The following DIXDC1 variants were observed in gnomAD, a reference collection of about 807,000 sequenced individuals.
The protein encoded by DIXDC1 is DIX domain containing 1, also known as dixin.
In DIXDC1, 64 loss-of-function variants were observed where a neutral mutation model predicts 103.1. That is an observed-to-expected ratio of 0.62 (90% CI 0.51 to 0.76). The LOEUF (loss-of-function observed/expected upper bound fraction) is 0.76, where lower values mean the gene tolerates loss of function less well. DIXDC1 is among the 30% of genes least tolerant of loss of function. The probability of loss-of-function intolerance (pLI) is 0.00; values close to 1 mark genes in which losing one functional copy is unlikely to be tolerated. For synonymous variants in DIXDC1, 266 were observed against 298.5 expected, an observed-to-expected ratio of 0.89 and a Z score of 1.12; for missense variants, 759 against 834.2, an observed-to-expected ratio of 0.91 and a Z score of 1.11.
intron 7 of DIXDC1, 109 bp from the exon 8 acceptor site, chr11:111,985,123 T>C (rs1860444660): frequency 1.2e-6 from 1 of 846,946 alleles, no homozygotes; most frequent in Admixed American, 2.3e-5. Flanking sequence ...CGAAATGTCT[T>C]GAGGAGGCTG....
Position 111,977,723 on chromosome 11 carries a change from CT to C in DIXDC1, c.656+2742del. The C allele has an allele frequency of 6.4e-7, 1 of 1,552,536 alleles. No individual in the cohort carries two copies. Among genetic ancestry groups the C allele is most frequent in the Non-Finnish European group, 8.7e-7 (1 of 1,147,810 alleles). Reference sequence around the variant, plus strand: ...GAGCGATGTGACTCTCAGCCTCCCACTTCACCCGGGGACGCAGGCTTGCTGA... The same window carrying C: ...GAGCGATGTGACTCTCAGCCTCCCACTCACCCGGGGACGCAGGCTTGCTGA... On this transcript the variant is annotated intron_variant, in intron 5 of 19. Transcript: ENST00000440460. This position sits in a 1 kb window ranked among gnomAD's most constrained non-coding sequence, Gnocchi z 6.1.
intron 7 of DIXDC1, among the ~76,000 whole-genome samples, chr11:111,983,020 T>C (rs1860368485): frequency 6.6e-6 from 1 of 152,228 alleles, no homozygotes; most frequent in Non-Finnish European, 1.5e-5. Flanking sequence ...CCCTTCAGTT[T>C]TTCCTATACC....
In DIXDC1 at chr11:111,992,434, T is replaced by G. The variant is rs1555174636; in HGVS notation, c.1133T>G (p.Leu378Trp). The change falls in exon 11 of 20, where the codon TTG becomes TGG. Residue 378 changes from leucine (L) to tryptophan (W), a missense_variant. Transcript: ENST00000440460. ...QGIKDALQQR[L>W]TQQDTSVLQL... ...CCCTAGGATGCCTTGCAGCAGAGAT[T>G]GACTCAGCAGGACACATCTGTTCTT... 6.3e-7 allele frequency: 1 copy of G among 1,581,578 alleles called. No individual in the cohort carries two copies. The highest frequency in any genetic ancestry group is 8.6e-7 in the Non-Finnish European group (1 of 1,163,054).
intron 5 of DIXDC1, chr11:111,975,437 A>T: frequency 9.9e-7 from 1 of 1,010,148 alleles, no homozygotes; most frequent in Non-Finnish European, 1.2e-6. Context: ...AATGTTTCCA[A>T]CTTTCCTCTA....
intron 17 of DIXDC1, among the ~76,000 whole-genome samples, chr11:112,014,767 T>C (rs1188912522): frequency 1.3e-5 from 2 of 152,218 alleles, no homozygotes; most frequent in Admixed American, 6.5e-5. Context: ...ATAAATTAAA[T>C]ATATAGCTTT....
chr11:111,986,959 A>G, intron 9 of DIXDC1, 35 bp downstream of exon 9: 1 of 1,535,308 alleles, frequency 6.5e-7, no homozygotes, highest in South Asian at 1.2e-5. Flanking sequence ...CCCCTTAAAA[A>G]CATTATGGGG....
intron 10 of DIXDC1, 88 bp from the exon 11 acceptor site, chr11:111,992,327 A>G (rs1860736556): frequency 2.5e-6 from 3 of 1,199,842 alleles, no homozygotes; most frequent in Non-Finnish European, 3.5e-6. Context: ...CGAATGCTGG[A>G]AACACATTAA....
chr11:111,947,990 CAA>C (rs1966653951), intron 1 of DIXDC1, among the ~76,000 whole-genome samples: 1 of 152,070 alleles, frequency 6.6e-6, no homozygotes, highest in South Asian at 2.1e-4. Context: ...TCCATCTCTA[CAA>C]AAATCAAAAA....
chr11:111,995,534 T>C lies in DIXDC1; in HGVS notation c.1659T>C (p.Val553=). ...GISSLMERLH[V]METQKKQERK... ...CTAGCCTCATGGAGCGCCTGCATGT[T>C]ATGGAGACGCAGAAGAAACAAGAAA... is the stretch of plus-strand genomic sequence containing the variant. The change falls in exon 16 of 20, where the codon GTT becomes GTC. Residue 553 remains valine, a synonymous_variant. Transcript: ENST00000440460. 2 of 1,613,968 alleles carry C rather than the reference T, an allele frequency of 1.2e-6. No homozygotes were observed. The highest frequency in any genetic ancestry group is 1.7e-6 in the Non-Finnish European group (2 of 1,179,888).
upstream of DIXDC1, among the ~76,000 whole-genome samples, chr11:111,936,845 AGTGTGTGTGT>A (rs57332873): frequency 2.2e-3 from 304 of 140,846 alleles, 1 homozygote; most frequent in East Asian, 0.022. Flanking sequence ...TTAAGTTAGC[AGTGTGTGTGT>A]GTGTGTGTGT....
chr11:111,977,729 C>A lies in DIXDC1; in HGVS notation c.656+2746C>A. The A allele has an allele frequency of 6.4e-7, 1 of 1,554,558 alleles. No individual in the cohort carries two copies. Among genetic ancestry groups the A allele is most frequent in the East Asian group, 2.5e-5 (1 of 40,752 alleles). ...TGTGACTCTCAGCCTCCCACTTCAC[C>A]CGGGGACGCAGGCTTGCTGAAGCCC... On this transcript the variant is annotated intron_variant, in intron 5 of 19. Coordinates refer to ENST00000440460, the MANE Select transcript of DIXDC1 (RefSeq NM_001037954.4). The surrounding 1 kb of genome is among the most constrained non-coding windows in gnomAD (Gnocchi z 6.1).
Position 111,974,894 on chromosome 11 carries a change from G to A in DIXDC1, c.567G>A (p.Glu189=). The change falls in exon 5 of 20, where the codon GAG becomes GAA. Residue 189 remains glutamate (E), a synonymous_variant. Transcript: ENST00000440460. ...ACTTTAGGAACAGCAGCATGGATGA[G>A]GAAATTGAGAATCCATACTGGAGTG... ...RYRQRNSSMD[E]EIENPYWSVR... 1.2e-6 allele frequency: 2 copies of A among 1,613,664 alleles called. No homozygotes were observed. The highest frequency in any genetic ancestry group is 1.7e-6 in the Non-Finnish European group (2 of 1,179,808).
chr11:111,986,740 A>G (rs1860503720), intron 8 of DIXDC1, 131 bp from the exon 9 acceptor site: 1 of 640,066 alleles, frequency 1.6e-6, no homozygotes, highest in Non-Finnish European at 2.6e-6. Flanking sequence ...AGAGAGCAGG[A>G]ACTGTTTCCT....
chr11:112,013,259 A>G (rs925619338), intron 17 of DIXDC1, among the ~76,000 whole-genome samples: 4 of 131,018 alleles, frequency 3.1e-5, no homozygotes, highest in Admixed American at 1.9e-4. Flanking sequence ...TAAAGGCCCT[A>G]TCTCCAAAAC....
Position 111,993,553 on chromosome 11 carries a change from G to A in DIXDC1, c.1330G>A (p.Ala444Thr). 6.2e-7 allele frequency: 1 copy of A among 1,614,014 alleles called. No homozygotes were observed. The change falls in exon 13 of 20, where the codon GCA becomes ACA. Residue 444 changes from alanine to threonine, a missense_variant. Around this residue, in one of 3 missense-constraint regions of DIXDC1, gnomAD observed 657 missense variants for 727.5 expected, o/e 0.90. Coordinates refer to ENST00000440460, the MANE Select transcript of DIXDC1 (RefSeq NM_001037954.4). Reference protein sequence around the residue: ...LQQHQAKLEEALRKLSDVSYH... With the variant: ...LQQHQAKLEETLRKLSDVSYH... The stretch of plus-strand genomic sequence containing the variant: ...GCAGCACCAGGCCAAGTTAGAAGAA[G>A]CACTCCGGAAACTCTCTGATGTCAG...
At chr11:111,950,434 ATATATTTTTTTTTTTTTTTTTT>A (rs1272897954) in intron 1 of DIXDC1, among the ~76,000 whole-genome samples, 2 of 21,574 alleles carry the variant, frequency 9.3e-5, no homozygotes, top group African/African-American at 5.3e-4. Context: ...ATATATATAT[ATATATTTTTTTTTTTTTTTTTT>A]TTTTTTTTTT....
chr11:111,946,768 G>T, intron 1 of DIXDC1: 2 of 488,844 alleles, frequency 4.1e-6, no homozygotes, highest in South Asian at 3.0e-5. Context: ...TGCAGATTTT[G>T]GTGTTTTCCC....
At chr11:111,997,808 T>A (rs1331919784) in intron 17 of DIXDC1, among the ~76,000 whole-genome samples, 1 of 152,226 alleles carries the variant, frequency 6.6e-6, no homozygotes, top group Non-Finnish European at 1.5e-5. Flanking sequence ...GCTTGAAAAC[T>A]AAGATGTTAA....
At chr11:111,974,451 T>G in intron 4 of DIXDC1, 197 bp downstream of exon 4, 1 of 608,100 alleles carries the variant, frequency 1.6e-6, no homozygotes, top group Admixed American at 3.4e-5. Context: ...TATTTTGCAT[T>G]TAGCAAAAGT....
Sources: gnomAD v4.1 joint callset for allele counts (sites outside exome capture counted in the v4.1 genomes callset) on GRCh38, gnomAD v4.1.1 for gene constraint, gnomAD v4.1.1 regional missense constraint, Gnocchi (gnomAD v3.1) non-coding constraint, MANE v1.5 for transcripts, NCBI Gene and HGNC (gene_info 2026-07-23, HGNC 2026-07-21) for gene names.